Variants in MALAT1 observed in about 807,000 individuals in gnomAD.
MALAT1 encodes the protein metastasis associated lung adenocarcinoma transcript 1.
At chr11:65,498,098 CAG>C (rs1854434084) in intron 1 of MALAT1, 1 of 518,936 alleles carries the variant, frequency 1.9e-6, no homozygotes, top group Middle Eastern at 3.2e-4. Context: ...AGGCATAACA[CAG>C]AATCTGCAAA....
exon 3 of MALAT1, chr11:65,501,862 A>G (rs1854554113): frequency 1.9e-6 from 1 of 517,550 alleles, no homozygotes; most frequent in Non-Finnish European, 3.9e-6. Flanking sequence ...AATATTGGCA[A>G]TTAGTTGGCA....
At chr11:65,498,622 C>T (rs757302768) in intron 1 of MALAT1, 14 of 518,576 alleles carry the variant, frequency 2.7e-5, no homozygotes, top group Non-Finnish European at 5.4e-5. Context: ...AAGGCTGGGG[C>T]TCAGTTGCGT....
exon 3 of MALAT1, chr11:65,499,955 T>A (rs779840679): frequency 2.3e-6 from 1 of 430,062 alleles, no homozygotes; most frequent in Non-Finnish European, 4.5e-6. Context: ...TAGAAAAATA[T>A]AAAGCCAAAA....
exon 3 of MALAT1, chr11:65,499,972 TAAAATAGCACTGAA>T (rs1207870980): frequency 4.7e-6 from 2 of 428,538 alleles, no homozygotes. Flanking sequence ...AAAAATTGGA[TAAAATAGCACTGAA>T]AAAATGAGGA....
At chr11:65,504,078 TTA>T in intron 3 of MALAT1, 1 of 517,940 alleles carries the variant, frequency 1.9e-6, no homozygotes, top group Non-Finnish European at 3.9e-6. Context: ...ACTATTGACC[TTA>T]TATAGGGAAG....
chr11:65,504,958 T>C (rs1342404049), intron 3 of MALAT1: 3 of 518,728 alleles, frequency 5.8e-6, no homozygotes, highest in Non-Finnish European at 1.2e-5. Flanking sequence ...TCAGATGGTA[T>C]TCTTCAGACT....
chr11:65,498,703 C>A, exon 2 of MALAT1: 2 of 518,684 alleles, frequency 3.9e-6, no homozygotes, highest in South Asian at 1.4e-5. Context: ...TACCTACTGT[C>A]CCTCAAGAGA....
exon 3 of MALAT1, chr11:65,502,549 A>G: frequency 2.1e-6 from 1 of 484,522 alleles, no homozygotes; most frequent in Non-Finnish European, 4.0e-6. Context: ...ATTGTAACTG[A>G]TTAAGAATTG....
chr11:65,503,212 C>T (rs776184770), exon 3 of MALAT1: 8 of 513,304 alleles, frequency 1.6e-5, no homozygotes, highest in Non-Finnish European at 3.1e-5. Flanking sequence ...CTTGCATCTG[C>T]AGTATTGCAT....
exon 3 of MALAT1, chr11:65,499,846 T>C (rs2134978753): frequency 2.4e-6 from 1 of 416,596 alleles, no homozygotes; most frequent in Admixed American, 3.2e-5. Context: ...TAGAAGAAAA[T>C]TGGAAGATAG....
chr11:65,497,818 T>C lies in MALAT1; in HGVS notation n.131T>C, dbSNP rs763151609. ...CCTGCCCTCTTAAGCGCAGCGCCAT[T>C]TTAGCAACGCAGAAGCCCGGCGCCG... On this transcript the variant is annotated non_coding_transcript_exon_variant, in exon 1 of 4. Transcript: ENST00000619449. 9.8e-6 allele frequency: 5 copies of C among 511,292 alleles called. No homozygotes were observed. The East Asian group carries it at 2.7e-4, about 28-fold the overall frequency. The allele number at this position is 511,292 out of a possible 1,614,324, so 31.7% of individuals were successfully genotyped here.
exon 3 of MALAT1, chr11:65,502,729 T>A (rs750132562): frequency 1.4e-5 from 7 of 513,904 alleles, no homozygotes; most frequent in Non-Finnish European, 2.3e-5. Flanking sequence ...AATTGATAAG[T>A]AAAGGCAGAA....
intron 3 of MALAT1, chr11:65,504,497 C>T (rs565826504): frequency 7.7e-6 from 4 of 518,726 alleles, no homozygotes; most frequent in Non-Finnish European, 1.5e-5. Flanking sequence ...GGAAAAAATC[C>T]AGCTGAGTGA....
intron 1 of MALAT1, chr11:65,498,408 G>A (rs1342996875): frequency 1.9e-6 from 1 of 518,574 alleles, no homozygotes. Flanking sequence ...GGGCTCAGGC[G>A]GGGAGCAGCT....
chr11:65,498,827 A>T (rs77535011), intron 2 of MALAT1: 1 of 518,846 alleles, frequency 1.9e-6, no homozygotes, highest in Non-Finnish European at 3.8e-6. Context: ...TTGCAGCTCA[A>T]ATCTTTCCAC....
chr11:65,504,721 C>T (rs1465382850), intron 3 of MALAT1: 1 of 518,782 alleles, frequency 1.9e-6, no homozygotes, highest in African/African-American at 1.9e-5. Context: ...AGAAATTAAA[C>T]TGGCAAGTGG....
chr11:65,499,728 A>C (rs926703157), exon 3 of MALAT1: 1 of 433,660 alleles, frequency 2.3e-6, no homozygotes. Flanking sequence ...ATTAGAAGAT[A>C]AAAACATACT....
chr11:65,500,877 A>G (rs1185624910), exon 3 of MALAT1: 1 of 518,006 alleles, frequency 1.9e-6, no homozygotes, highest in Non-Finnish European at 3.9e-6. Context: ...AAAGGGATTT[A>G]TATGGGGACG....
At chr11:65,499,664 AACTGGAAGACAGAAGT>A (rs1159837074) in exon 3 of MALAT1, 1 of 435,956 alleles carries the variant, frequency 2.3e-6, no homozygotes, top group Non-Finnish European at 4.5e-6. Flanking sequence ...TGAAGTGGAA[AACTGGAAGACAGAAGT>A]ACGGGAAGGC....
Sources: allele counts gnomAD v4.1 joint callset, GRCh38; gene constraint gnomAD v4.1.1; transcripts MANE v1.5; gene names NCBI Gene and HGNC (gene_info 2026-07-23, HGNC 2026-07-21).